The following ADK variants were observed in gnomAD, a reference collection of about 807,000 sequenced individuals.
ADK encodes the protein N6,N6-dimethyladenosine kinase.
A neutral mutation model predicts 44.7 loss-of-function variants in ADK; 24 were observed. That is an observed-to-expected ratio of 0.54 (90% CI 0.39 to 0.76). The LOEUF (loss-of-function observed/expected upper bound fraction) is 0.76. Among genes scored for constraint, ADK ranks in the 30% least tolerant of loss-of-function variants. The pLI, the probability that ADK is intolerant of heterozygous loss-of-function variation, is 0.00. For synonymous variants in ADK, 128 were observed against 142.6 expected (o/e 0.90, Z 0.73); for missense variants, 321 against 425.1 (o/e 0.76, Z 2.15).
rs547546273 is a variant in ADK at position 74,610,667 on chromosome 10, C to T, written c.877+10174C>T. ...GGTGAAGGCAGAAAAGATGACTGTC[C>T]ATTTTGATCCTCTTTATAAATGTTG... is the stretch of plus-strand genomic sequence containing the variant. On this transcript the variant is annotated intron_variant, in intron 9 of 10. Transcript: ENST00000539909. 2.8e-4 allele frequency among the ~76,000 whole-genome samples: 42 copies of T among 152,012 alleles called. No homozygotes were observed. In the South Asian group the frequency reaches 3.8e-3, roughly 14 times the overall value.
chr10:74,220,817 C>T (rs1844276177), intron 2 of ADK, among the ~76,000 whole-genome samples: 1 of 152,106 alleles, frequency 6.6e-6, no homozygotes, highest in African/African-American at 2.4e-5. Flanking sequence ...CAAAATTTAA[C>T]AACCCTTCAT....
At chr10:74,684,602 T>C (rs1855725475) in intron 10 of ADK, among the ~76,000 whole-genome samples, 1 of 152,126 alleles carries the variant, frequency 6.6e-6, no homozygotes, top group East Asian at 1.9e-4. Context: ...GAGACTCCCA[T>C]GTCTACAAAA....
intron 3 of ADK, among the ~76,000 whole-genome samples, chr10:74,266,162 A>C (rs1053659811): frequency 3.3e-5 from 5 of 152,304 alleles, no homozygotes; most frequent in Middle Eastern, 3.4e-3. Context: ...AGGAAGTAGA[A>C]GACAGTGAGT....
At chr10:74,392,290 G>A (rs2132038782) in intron 4 of ADK, among the ~76,000 whole-genome samples, 1 of 152,242 alleles carries the variant, frequency 6.6e-6, no homozygotes, top group African/African-American at 2.4e-5. Flanking sequence ...CACTGCACAA[G>A]GGTTCATTCA....
chr10:74,575,350 A>T (rs1340293307), intron 7 of ADK, among the ~76,000 whole-genome samples: 1 of 152,250 alleles, frequency 6.6e-6, no homozygotes, highest in African/African-American at 2.4e-5. Flanking sequence ...CAGTCTGCAC[A>T]TAATTGTTAT....
rs560641078 is a variant in ADK at position 74,510,496 on chromosome 10, T to C, written c.556-14760T>C. On this transcript the variant is annotated intron_variant, in intron 6 of 10. Coordinates refer to ENST00000539909, the MANE Select transcript of ADK (RefSeq NM_006721.4). The stretch of plus-strand genomic sequence containing the variant: ...TTATGAATAGTTTGCAAATATTTTT[T>C]CCCATTCTGTAGGTTGTCTTTTCAC... Among the ~76,000 whole-genome samples, 106 of 152,338 alleles carry C rather than the reference T, an allele frequency of 7.0e-4. 2 individuals are homozygous for C. In the South Asian group the frequency reaches 0.021, roughly 30 times the overall value.
intron 6 of ADK, among the ~76,000 whole-genome samples, chr10:74,495,591 T>G (rs1340157613): frequency 6.6e-6 from 1 of 152,176 alleles, no homozygotes; most frequent in Non-Finnish European, 1.5e-5. Context: ...GAAGGGCTAT[T>G]TGGTATGTAA....
At chr10:74,591,136 T>G (rs1406845035) in intron 8 of ADK, among the ~76,000 whole-genome samples, 1 of 152,162 alleles carries the variant, frequency 6.6e-6, no homozygotes, top group African/African-American at 2.4e-5. Flanking sequence ...TTGAGCTACT[T>G]GCTTTTCATG....
intron 7 of ADK, among the ~76,000 whole-genome samples, chr10:74,587,503 T>C (rs557861635): frequency 4.9e-4 from 74 of 152,344 alleles, no homozygotes; most frequent in African/African-American, 1.8e-3. Flanking sequence ...ATGTTATTAG[T>C]ACATTGGACC....
intron 6 of ADK, among the ~76,000 whole-genome samples, chr10:74,498,149 A>T (rs1380637121): frequency 6.6e-6 from 1 of 152,186 alleles, no homozygotes; most frequent in Non-Finnish European, 1.5e-5. Context: ...TCAGCCTCCC[A>T]AAGTGCTGGA....
At chr10:74,502,510 G>A (rs910548357) in intron 6 of ADK, among the ~76,000 whole-genome samples, 1 of 152,010 alleles carries the variant, frequency 6.6e-6, no homozygotes, top group Non-Finnish European at 1.5e-5. Flanking sequence ...AACCTTCTAT[G>A]ATTGCAATTC....
At chr10:74,425,807 A>G (rs1472074613) in intron 6 of ADK, among the ~76,000 whole-genome samples, 1 of 152,232 alleles carries the variant, frequency 6.6e-6, no homozygotes, top group African/African-American at 2.4e-5. Flanking sequence ...ACTCAGCAAT[A>G]TACTTCAAAA....
At chr10:74,262,509 T>C (rs1018808434) in intron 3 of ADK, among the ~76,000 whole-genome samples, 2 of 152,160 alleles carry the variant, frequency 1.3e-5, no homozygotes, top group Non-Finnish European at 2.9e-5. Context: ...CTTCAGATTC[T>C]GGTGTGATAC....
At position 74,249,285 on chromosome 10, in the gene ADK, A is replaced by C. The variant is rs531062975; in HGVS notation, c.194+24694A>C. ...ATAGTGTTCTTACTATTAGTTTTGA[A>C]CATTTTTTATGACTATAGAGTTGAA... On this transcript the variant is annotated intron_variant, in intron 3 of 10. Coordinates refer to ENST00000539909, the MANE Select transcript of ADK (RefSeq NM_006721.4). Among the ~76,000 whole-genome samples the C allele has an allele frequency of 9.6e-4, 146 of 152,270 alleles. 1 individual carries two copies. Among genetic ancestry groups the C allele is most frequent in the African/African-American group, 3.3e-3 (136 of 41,570 alleles).
At chr10:74,669,630 C>G (rs1052690557) in intron 9 of ADK, among the ~76,000 whole-genome samples, 2 of 152,024 alleles carry the variant, frequency 1.3e-5, no homozygotes, top group African/African-American at 4.8e-5. Flanking sequence ...TTTTAGTAAA[C>G]CAACTAAAAT....
chr10:74,625,641 C>A (rs995757783), intron 9 of ADK, among the ~76,000 whole-genome samples: 2 of 151,764 alleles, frequency 1.3e-5, no homozygotes, highest in African/African-American at 4.8e-5. Flanking sequence ...TGCAATAATC[C>A]CTCTAAAAAG....
chr10:74,502,520 C>T (rs942949498), intron 6 of ADK, among the ~76,000 whole-genome samples: 2 of 152,074 alleles, frequency 1.3e-5, no homozygotes, highest in Non-Finnish European at 2.9e-5. Flanking sequence ...GATTGCAATT[C>T]ACTTTTTTAA....
intron 6 of ADK, among the ~76,000 whole-genome samples, chr10:74,406,545 A>T (rs1256137327): frequency 1.2e-4 from 18 of 149,044 alleles, no homozygotes; most frequent in Non-Finnish European, 2.1e-4. Flanking sequence ...GAAGAAGAAG[A>T]AGAAGAAGAA....
rs1047572827 is a variant in ADK, at chr10:74,172,645, C to T, written c.65+21302C>T. Among the ~76,000 whole-genome samples, 4 of 146,614 alleles carry T rather than the reference C, an allele frequency of 2.7e-5. No homozygotes were observed. In the Admixed American group the frequency reaches 2.8e-4, roughly 10 times the overall value. On this transcript the variant is annotated intron_variant, in intron 1 of 10. Transcript: ENST00000539909. ...CAGAGGTTGCAGTGAGCCGAGATCGCGCCATTGCACCCCAGCCTGGGCAAC... is the reference window on the plus strand; with the variant it reads ...CAGAGGTTGCAGTGAGCCGAGATCGTGCCATTGCACCCCAGCCTGGGCAAC...
Sources: gnomAD v4.1 joint callset for allele counts (sites outside exome capture counted in the v4.1 genomes callset) on GRCh38, gnomAD v4.1.1 for gene constraint, MANE v1.5 for transcripts, NCBI Gene and HGNC (gene_info 2026-07-23, HGNC 2026-07-21) for gene names.